Variants in MYH9 observed in about 807,000 individuals in gnomAD.
MYH9 encodes the protein myosin heavy chain 9.
In MYH9, 29 loss-of-function variants were observed where a neutral mutation model predicts 241.9. That is an observed-to-expected ratio of 0.12 (90% CI 0.09 to 0.16). The LOEUF (loss-of-function observed/expected upper bound fraction) is 0.16, where lower values mean the gene tolerates loss of function less well. MYH9 is among the 10% of genes least tolerant of loss of function. The pLI is 1.00. For missense variants in MYH9, 1,803 were observed against 2,595.5 expected (o/e 0.69, Z 6.63); for synonymous variants, 1,047 against 1,062.6 (o/e 0.99, Z 0.29).
At chr22:36,308,766 C>T (rs191976815) in intron 15 of MYH9, 34 of 957,676 alleles carry the variant, frequency 3.6e-5, no homozygotes, top group South Asian at 1.9e-4. Flanking sequence ...CAGCTTTGGA[C>T]GCACCACACA....
chr22:36,335,103 C>G (rs368340569), intron 3 of MYH9, among the ~76,000 whole-genome samples: 1 of 152,202 alleles, frequency 6.6e-6, no homozygotes, highest in Non-Finnish European at 1.5e-5. Context: ...TCTCGAGGCT[C>G]GGTGGGGCGC....
intron 1 of MYH9, among the ~76,000 whole-genome samples, chr22:36,376,479 G>T (rs1263929619): frequency 2.0e-5 from 3 of 152,140 alleles, no homozygotes; most frequent in Non-Finnish European, 1.5e-5. Flanking sequence ...GCTGCTTGGT[G>T]ACAGGGACAG....
intron 2 of MYH9, 144 bp downstream of exon 2, chr22:36,348,760 G>T: frequency 1.3e-6 from 1 of 778,420 alleles, no homozygotes. Flanking sequence ...AAAGTTCAAG[G>T]ATGTCACCCC....
Position 36,312,124 on chromosome 22 carries a change from G to T in MYH9, c.1653C>A (p.Gly551=). Residue 551 remains glycine (G), a synonymous_variant, in exon 14 of 41, where the codon GGC becomes GGA. Coordinates refer to ENST00000216181, the MANE Select transcript of MYH9 (RefSeq NM_002473.6). The part of the protein sequence containing the change: ...SFVEKVMQEQ[G]THPKFQKPKQ... The stretch of plus-strand genomic sequence containing the variant: ...TGGGCTTCTGGAACTTGGGGTGGGT[G>T]CCCTGCTCCTGCATCACCTTCTCCA... 1 of 1,614,200 alleles carries T rather than the reference G, an allele frequency of 6.2e-7. No individual in the cohort carries two copies. The highest frequency in any genetic ancestry group is 8.5e-7 in the Non-Finnish European group (1 of 1,180,030).
chr22:36,324,818 A>G (rs2017309964), intron 5 of MYH9, among the ~76,000 whole-genome samples: 1 of 152,198 alleles, frequency 6.6e-6, no homozygotes, highest in Non-Finnish European at 1.5e-5. Context: ...GGTGCCTACC[A>G]AAGTCTGCGT....
At chr22:36,381,114 T>A (rs1160911035) in intron 1 of MYH9, among the ~76,000 whole-genome samples, 1 of 152,182 alleles carries the variant, frequency 6.6e-6, no homozygotes, top group Non-Finnish European at 1.5e-5. Flanking sequence ...ATATGCAATA[T>A]GGAACCTAAA....
chr22:36,301,176 C>A, intron 21 of MYH9, 119 bp from the exon 22 acceptor site: 1 of 1,024,036 alleles, frequency 9.8e-7, no homozygotes, highest in South Asian at 1.3e-5. Context: ...ACAAAAGTAG[C>A]TTTCATCTGG....
chr22:36,325,272 G>A (rs538492147), intron 5 of MYH9: 8 of 624,358 alleles, frequency 1.3e-5, no homozygotes, highest in Non-Finnish European at 2.3e-5. Context: ...GTCTTGAGAA[G>A]CTTGGCACAT....
intron 1 of MYH9, among the ~76,000 whole-genome samples, chr22:36,379,332 C>G (rs946786475): frequency 6.6e-5 from 10 of 152,134 alleles, no homozygotes; most frequent in Admixed American, 3.3e-4. Context: ...ACGGTGAAAC[C>G]CCGTCTCTAC....
chr22:36,308,366 G>A (rs909159908), intron 15 of MYH9, among the ~76,000 whole-genome samples: 1 of 151,634 alleles, frequency 6.6e-6, no homozygotes, highest in Non-Finnish European at 1.5e-5. Flanking sequence ...CTGTGCTCAA[G>A]TGATCCTCCC....
At chr22:36,301,125 G>T in intron 21 of MYH9, 68 bp from the exon 22 acceptor site, 1 of 1,481,588 alleles carries the variant, frequency 6.7e-7, no homozygotes, top group Non-Finnish European at 9.3e-7. Flanking sequence ...CTCAAGGACG[G>T]ACGCCATGGC....
At position 36,309,298 on chromosome 22, in the gene MYH9, C is replaced by T. The variant is rs375576418; in HGVS notation, c.1827G>A (p.Ser609=). 2.6e-4 allele frequency: 425 copies of T among 1,613,988 alleles called. No individual in the cohort carries two copies. The highest frequency in any genetic ancestry group is 3.4e-4 in the Non-Finnish European group (405 of 1,179,996). Residue 609 remains serine, a synonymous_variant, in exon 15 of 41, where the codon TCG becomes TCA. Transcript: ENST00000216181. ...AGGGCGTACCATCCTTCCACAGCTC[C>T]GAGACAAACTTGTCAGAGGACTGGT... is the stretch of plus-strand genomic sequence containing the variant. ...LLHQSSDKFV[S]ELWKDVDRII... is the part of the protein sequence containing the mutation.
At chr22:36,350,367 G>T (rs372291765) in intron 1 of MYH9, among the ~76,000 whole-genome samples, 1 of 152,114 alleles carries the variant, frequency 6.6e-6, no homozygotes, top group South Asian at 2.1e-4. Context: ...GAGAAACCCC[G>T]TCTCTACTAA....
At chr22:36,310,655 G>T (rs912507394) in intron 14 of MYH9, among the ~76,000 whole-genome samples, 1 of 152,160 alleles carries the variant, frequency 6.6e-6, no homozygotes, top group African/African-American at 2.4e-5. Flanking sequence ...CTTTCCCCAG[G>T]CTCAGACCCT....
Position 36,311,151 on chromosome 22 carries a change from G to C in MYH9, c.1728+898C>G, listed in dbSNP as rs114404546. Among the ~76,000 whole-genome samples, 645 of 152,322 alleles carry C rather than the reference G, an allele frequency of 4.2e-3. 1 individual carries two copies. Among genetic ancestry groups the C allele is most frequent in the African/African-American group, 0.015 (614 of 41,572 alleles). ...CCCTGCCTAATCACAGCAATTAACT[G>C]TTAGGGTCTTTGTGCAGGAAGCACA... On this transcript the variant is annotated intron_variant, in intron 14 of 40. Transcript: ENST00000216181.
rs1009418393 is a variant in MYH9, at chr22:36,348,848, C to A, written c.333+56G>T. On this transcript the variant is annotated intron_variant, in intron 2 of 40. Coordinates refer to ENST00000216181, the MANE Select transcript of MYH9 (RefSeq NM_002473.6). ...AGGGTGATGGGAAGACCCGCCCCCC[C>A]CCCCCACCTCGGAGCCCTCAGACCC... The A allele has an allele frequency of 1.2e-5, 12 of 971,920 alleles. No individual in the cohort carries two copies. In the East Asian group the frequency reaches 2.4e-4, roughly 19 times the overall value. The allele number at this position is 971,920 out of a possible 1,614,324, so 60.2% of individuals were successfully genotyped here. A position where few individuals can be genotyped will look rare whatever the true frequency, so the allele number is the denominator to read the frequency against.
chr22:36,385,168 T>C (rs2018332413), intron 1 of MYH9, among the ~76,000 whole-genome samples: 1 of 149,658 alleles, frequency 6.7e-6, no homozygotes, highest in African/African-American at 2.5e-5. Context: ...GGGTTTTTTT[T>C]TTTCTCTCTC....
intron 20 of MYH9, 78 bp from the exon 21 acceptor site, chr22:36,301,743 T>C: frequency 6.3e-7 from 1 of 1,581,076 alleles, no homozygotes; most frequent in South Asian, 1.1e-5. Flanking sequence ...GGCCTCTCCC[T>C]CACCTCTGGA....
At chr22:36,339,647 A>C (rs2017552843) in intron 3 of MYH9, among the ~76,000 whole-genome samples, 2 of 152,242 alleles carry the variant, frequency 1.3e-5, no homozygotes, top group African/African-American at 4.8e-5. Context: ...CCACTAAACC[A>C]GGGACAAAGT....
Sources: gnomAD v4.1 joint callset for allele counts (sites outside exome capture counted in the v4.1 genomes callset) on GRCh38, gnomAD v4.1.1 for gene constraint, MANE v1.5 for transcripts, NCBI Gene and HGNC (gene_info 2026-07-23, HGNC 2026-07-21) for gene names.